WWP1: variants seen among roughly 807,000 people sequenced by gnomAD.
WWP1 encodes NEDD4-like E3 ubiquitin-protein ligase WWP1.
A neutral mutation model predicts 130.6 loss-of-function variants in WWP1; 49 were observed. The ratio of observed to expected loss-of-function variants is 0.38; its 90% CI spans 0.30 to 0.48. WWP1 has a LOEUF of 0.48. Ranked by LOEUF, WWP1 falls within the 20% of genes least tolerant of loss-of-function variation. The pLI is 0.99. For missense variants in WWP1, 809 were observed against 1,100.6 expected, an observed-to-expected ratio of 0.74 and a Z score of 3.75; for synonymous variants, 332 against 367.8, an observed-to-expected ratio of 0.90 and a Z score of 1.11.
chr8:86,430,056 G>A (rs1194274019), intron 11 of WWP1, among the ~76,000 whole-genome samples: 6 of 151,932 alleles, frequency 3.9e-5, no homozygotes, highest in South Asian at 2.1e-4. Flanking sequence ...AATATTAGCC[G>A]GGTGTGGTGG....
At chr8:86,362,304 A>G (rs1823716202) in intron 1 of WWP1, among the ~76,000 whole-genome samples, 1 of 149,840 alleles carries the variant, frequency 6.7e-6, no homozygotes, top group Non-Finnish European at 1.5e-5. Context: ...ATATACTAGA[A>G]AGATTAAATT....
chr8:86,435,568 T>G, intron 15 of WWP1, 41 bp downstream of exon 15: 1 of 1,612,878 alleles, frequency 6.2e-7, no homozygotes. Flanking sequence ...AATAATTTAG[T>G]CTTCTCTTTA....
chr8:86,367,288 T>C (rs565413177), intron 1 of WWP1, among the ~76,000 whole-genome samples: 2 of 152,332 alleles, frequency 1.3e-5, no homozygotes, highest in African/African-American at 4.8e-5. Context: ...TGTTAATTGA[T>C]CCAGGCACAT....
intron 17 of WWP1, among the ~76,000 whole-genome samples, chr8:86,442,119 T>A (rs1381550303): frequency 6.6e-6 from 1 of 152,170 alleles, no homozygotes; most frequent in Non-Finnish European, 1.5e-5. Flanking sequence ...AAACCTGTTG[T>A]ATATACATCC....
chr8:86,393,907 A>C (rs1436245426), intron 5 of WWP1, among the ~76,000 whole-genome samples: 2 of 152,180 alleles, frequency 1.3e-5, no homozygotes, highest in Non-Finnish European at 2.9e-5. Flanking sequence ...TCATATAGGC[A>C]TTTCAGGTTT....
At chr8:86,448,100 A>G (rs201291864) in intron 18 of WWP1, 48 bp from the exon 19 acceptor site, 2 of 1,485,782 alleles carry the variant, frequency 1.3e-6, no homozygotes, top group Non-Finnish European at 1.8e-6. Flanking sequence ...TCTCTAAGAA[A>G]TTGTTATTTT....
intron 24 of WWP1, among the ~76,000 whole-genome samples, chr8:86,465,324 G>GAAACC (rs149455539): frequency 6.6e-6 from 1 of 151,682 alleles, no homozygotes. Flanking sequence ...AAGTAAAAAA[G>GAAACC]AAACAAAACA....
At chr8:86,430,605 A>G (rs1222850384) in intron 11 of WWP1, 92 bp from the exon 12 acceptor site, 3 of 1,071,334 alleles carry the variant, frequency 2.8e-6, no homozygotes, top group Non-Finnish European at 3.9e-6. Context: ...AAATTATTAT[A>G]AAATGTGATT....
intron 22 of WWP1, among the ~76,000 whole-genome samples, chr8:86,460,270 C>G (rs778629413): frequency 7.9e-5 from 12 of 152,082 alleles, no homozygotes; most frequent in Non-Finnish European, 1.6e-4. Flanking sequence ...AGAGTGGCAG[C>G]AGGGAGGTGT....
Position 86,414,879 on chromosome 8 carries a change from TC to T in WWP1, c.1061+3014del, listed in dbSNP as rs1384527452. On this transcript the variant is annotated intron_variant, in intron 9 of 24. Transcript: ENST00000517970. ...AGAGAGATTAAAAATACATTCTGAA[TC>T]CCCCCCCCATCCCCCCACCCCCGCC... Among the ~76,000 whole-genome samples, 192 of 85,478 alleles carry T rather than the reference TC, an allele frequency of 2.2e-3. 2 individuals carry two copies. The highest frequency in any genetic ancestry group is 0.017 in the South Asian group (47 of 2,760). 56.1% of individuals were successfully genotyped at this position (85,478 alleles called of 152,430 possible).
Position 86,452,643 on chromosome 8 carries a change from T to C in WWP1, c.2358T>C (p.Leu786=). ...FLDGFNEVVP[L]QWLQYFDEKE... ...ATGGTTTTAATGAAGTTGTTCCTCT[T>C]CAGTGGCTACAGTACTTCGATGAAA... The change falls in exon 21 of 25, where the codon CTT becomes CTC. Residue 786 remains leucine, a synonymous_variant. Transcript: ENST00000517970. The C allele has an allele frequency of 6.2e-7, 1 of 1,613,502 alleles. No homozygotes were observed. Among genetic ancestry groups the C allele is most frequent in the Non-Finnish European group, 8.5e-7 (1 of 1,179,622 alleles).
At chr8:86,394,544 G>T (rs986255445) in intron 5 of WWP1, among the ~76,000 whole-genome samples, 8 of 152,156 alleles carry the variant, frequency 5.3e-5, no homozygotes, top group African/African-American at 1.9e-4. Flanking sequence ...TAAGTGCATT[G>T]AAGGAAATGA....
At chr8:86,406,377 AGTT>A (rs1279179688) in intron 8 of WWP1, among the ~76,000 whole-genome samples, 1 of 152,170 alleles carries the variant, frequency 6.6e-6, no homozygotes, top group Non-Finnish European at 1.5e-5. Flanking sequence ...TCTAATATAT[AGTT>A]GTTATTTTAT....
intron 9 of WWP1, among the ~76,000 whole-genome samples, chr8:86,422,319 G>GTATTTATTTATT (rs55854341): frequency 2.7e-5 from 4 of 148,022 alleles, no homozygotes; most frequent in African/African-American, 4.9e-5. Context: ...GTACCAGTTT[G>GTATTTATTTATT]TATTTATTTA....
intron 10 of WWP1, among the ~76,000 whole-genome samples, chr8:86,425,853 G>A (rs1007558723): frequency 4.6e-5 from 7 of 152,096 alleles, no homozygotes; most frequent in African/African-American, 1.4e-4. Context: ...ATTCACAAAC[G>A]AGTCTTCCTT....
At chr8:86,401,602 A>T (rs1807984492) in intron 7 of WWP1, among the ~76,000 whole-genome samples, 1 of 151,790 alleles carries the variant, frequency 6.6e-6, no homozygotes, top group Non-Finnish European at 1.5e-5. Context: ...TATTTTTATG[A>T]TTCATATAAT....
At chr8:86,371,449 C>G (rs1430980727) in intron 2 of WWP1, among the ~76,000 whole-genome samples, 1 of 152,170 alleles carries the variant, frequency 6.6e-6, no homozygotes, top group Non-Finnish European at 1.5e-5. Context: ...TCTGAAAACG[C>G]CTACCAGCGG....
At chr8:86,441,938 T>C (rs1810614232) in intron 17 of WWP1, among the ~76,000 whole-genome samples, 1 of 152,220 alleles carries the variant, frequency 6.6e-6, no homozygotes, top group Non-Finnish European at 1.5e-5. Flanking sequence ...TCTAGTTGGA[T>C]TTCGCATATT....
At chr8:86,362,717 T>C (rs1301525903) in intron 1 of WWP1, among the ~76,000 whole-genome samples, 2 of 152,086 alleles carry the variant, frequency 1.3e-5, no homozygotes, top group Admixed American at 1.3e-4. Flanking sequence ...GGTATACCAC[T>C]TCAGAAAGTA....
Sources: gnomAD v4.1 joint callset for allele counts (sites outside exome capture counted in the v4.1 genomes callset) on GRCh38, gnomAD v4.1.1 for gene constraint, MANE v1.5 for transcripts, NCBI Gene and HGNC (gene_info 2026-07-23, HGNC 2026-07-21) for gene names.